The following LDLRAD3 variants were observed in gnomAD, a reference collection of about 807,000 sequenced individuals.
LDLRAD3 encodes the protein low density lipoprotein receptor class A domain containing 3.
In LDLRAD3, 20 loss-of-function variants were observed where a neutral mutation model predicts 29.4. The observed-to-expected ratio is 0.68, with a 90% CI of 0.48 to 0.99. The LOEUF is 0.99. Ranked by LOEUF, LDLRAD3 falls within the 50% of genes least tolerant of loss-of-function variation. LDLRAD3 has a pLI of 0.00. For missense variants in LDLRAD3, 420 were observed against 454.3 expected (o/e 0.92, Z 0.69); for synonymous variants, 157 against 192.7 (o/e 0.81, Z 1.53).
At chr11:36,035,578 C>G (rs940308510) in intron 1 of LDLRAD3, among the ~76,000 whole-genome samples, 37 of 152,280 alleles carry the variant, frequency 2.4e-4, no homozygotes, top group African/African-American at 4.8e-4. Flanking sequence ...TGTGCCACCT[C>G]AGGCAGGTTG....
At chr11:36,021,237 C>G (rs1356928014) in intron 1 of LDLRAD3, among the ~76,000 whole-genome samples, 1 of 152,122 alleles carries the variant, frequency 6.6e-6, no homozygotes, top group African/African-American at 2.4e-5. Context: ...TGGAAGTTAT[C>G]ACCGTGAAGG....
intron 4 of LDLRAD3, among the ~76,000 whole-genome samples, chr11:36,103,269 C>T (rs1163699237): frequency 1.4e-5 from 2 of 141,762 alleles, no homozygotes; most frequent in Admixed American, 7.4e-5. Flanking sequence ...TGGAGTCTCG[C>T]TCTGTCACCC....
At chr11:36,217,384 T>C (rs534623822) in intron 4 of LDLRAD3, among the ~76,000 whole-genome samples, 1 of 152,110 alleles carries the variant, frequency 6.6e-6, no homozygotes, top group East Asian at 1.9e-4. Context: ...TAGCCACATA[T>C]GTAAAATGAA....
At chr11:36,219,557 T>C (rs538945491) in intron 4 of LDLRAD3, among the ~76,000 whole-genome samples, 91 of 152,192 alleles carry the variant, frequency 6.0e-4, no homozygotes, top group Admixed American at 1.5e-3. Flanking sequence ...TAAGAGAGGA[T>C]AGGCTTTTCA....
intron 4 of LDLRAD3, among the ~76,000 whole-genome samples, chr11:36,164,354 A>G (rs1346410195): frequency 2.0e-5 from 3 of 152,238 alleles, no homozygotes; most frequent in African/African-American, 7.2e-5. Context: ...AACATTTATC[A>G]ATAAACTCAT....
chr11:36,051,894 T>C (rs796734948), intron 2 of LDLRAD3, among the ~76,000 whole-genome samples: 12 of 152,350 alleles, frequency 7.9e-5, no homozygotes, highest in African/African-American at 2.9e-4. Context: ...CAACCAGTAC[T>C]TTCTAAACTG....
intron 4 of LDLRAD3, among the ~76,000 whole-genome samples, chr11:36,193,988 G>A (rs1363320922): frequency 6.6e-6 from 1 of 152,056 alleles, no homozygotes; most frequent in Non-Finnish European, 1.5e-5. Flanking sequence ...TTACAAATGG[G>A]GACATTGAGA....
chr11:36,132,601 G>A (rs964444502), intron 4 of LDLRAD3, among the ~76,000 whole-genome samples: 6 of 152,204 alleles, frequency 3.9e-5, no homozygotes, highest in Non-Finnish European at 7.3e-5. Flanking sequence ...TAAATATTTT[G>A]TGATAGAGAA....
At chr11:36,019,196 C>G (rs7118616) in intron 1 of LDLRAD3, among the ~76,000 whole-genome samples, 15,312 of 152,126 alleles carry the variant, frequency 0.1, 897 homozygotes, top group African/African-American at 0.16. Context: ...GTGAGCCATG[C>G]CAGGCAGGGG....
chr11:36,075,567 A>G (rs1852984880), intron 2 of LDLRAD3, among the ~76,000 whole-genome samples: 2 of 152,140 alleles, frequency 1.3e-5, no homozygotes, highest in African/African-American at 2.4e-5. Context: ...GACACTGTGC[A>G]TATCCTATTT....
intron 2 of LDLRAD3, among the ~76,000 whole-genome samples, chr11:36,069,860 CAGAGTTTGTGAATTA>C (rs1852867511): frequency 6.6e-6 from 1 of 152,122 alleles, no homozygotes; most frequent in Non-Finnish European, 1.5e-5. Flanking sequence ...AGGTGCGACA[CAGAGTTTGTGAATTA>C]ATATTAGTGG....
chr11:36,003,395 A>G (rs1851848137), intron 1 of LDLRAD3, among the ~76,000 whole-genome samples: 2 of 152,190 alleles, frequency 1.3e-5, no homozygotes, highest in African/African-American at 2.4e-5. Flanking sequence ...TTCCTGTTGA[A>G]GCCTGAGTCC....
intron 1 of LDLRAD3, among the ~76,000 whole-genome samples, chr11:35,966,798 C>A (rs1481134766): frequency 6.6e-6 from 1 of 152,204 alleles, no homozygotes; most frequent in Non-Finnish European, 1.5e-5. Flanking sequence ...AGACCCACTT[C>A]CACAAAGGGG....
At chr11:36,081,033 T>C (rs57499691) in intron 2 of LDLRAD3, among the ~76,000 whole-genome samples, 1,841 of 152,276 alleles carry the variant, frequency 0.012, 35 homozygotes, top group African/African-American at 0.043. Flanking sequence ...ATAAACAGTT[T>C]AGGTACAGTG....
intron 1 of LDLRAD3, among the ~76,000 whole-genome samples, chr11:36,029,989 G>A (rs1205032387): frequency 6.6e-6 from 1 of 152,180 alleles, no homozygotes; most frequent in Non-Finnish European, 1.5e-5. Flanking sequence ...AATAGCCAAT[G>A]GTCCTGGGCT....
At chr11:36,073,866 G>C (rs1852949379) in intron 2 of LDLRAD3, among the ~76,000 whole-genome samples, 1 of 152,198 alleles carries the variant, frequency 6.6e-6, no homozygotes, top group African/African-American at 2.4e-5. Context: ...GAGCTGGGCT[G>C]GTCCTTAGAG....
At chr11:36,203,780 C>T (rs1855161903) in intron 4 of LDLRAD3, among the ~76,000 whole-genome samples, 1 of 152,174 alleles carries the variant, frequency 6.6e-6, no homozygotes, top group African/African-American at 2.4e-5. Context: ...TTTCCAAATG[C>T]ATAACCCCAG....
intron 2 of LDLRAD3, among the ~76,000 whole-genome samples, chr11:36,054,868 A>ATGAATGG (rs1291785646): frequency 3.0e-5 from 1 of 33,338 alleles, no homozygotes; most frequent in African/African-American, 1.1e-4. Context: ...TGGATGGATG[A>ATGAATGG]ATGGATGGAT....
At chr11:35,999,779 C>T (rs953006368) in intron 1 of LDLRAD3, among the ~76,000 whole-genome samples, 2 of 152,182 alleles carry the variant, frequency 1.3e-5, no homozygotes. Context: ...GTGCTGTCAG[C>T]CATGGCAGGG....
Sources: allele counts gnomAD v4.1 joint callset (sites outside exome capture counted in the v4.1 genomes callset), GRCh38; gene constraint gnomAD v4.1.1; transcripts MANE v1.5; gene names NCBI Gene and HGNC (gene_info 2026-07-23, HGNC 2026-07-21).